WWP2: variants seen among roughly 807,000 people sequenced by gnomAD.
WWP2 encodes the protein NEDD4-like E3 ubiquitin-protein ligase WWP2.
WWP2 carries 57 observed loss-of-function variants against 121.0 expected under a neutral mutation model. That is an observed-to-expected ratio of 0.47 (90% CI 0.38 to 0.59). The LOEUF is 0.59. Ranked by LOEUF, WWP2 falls within the 20% of genes least tolerant of loss-of-function variation. The pLI, the probability that WWP2 is intolerant of heterozygous loss-of-function variation, is 0.00. For synonymous variants in WWP2, 449 were observed against 441.3 expected, an observed-to-expected ratio of 1.02 and a Z score of -0.22; for missense variants, 962 against 1,158.9, an observed-to-expected ratio of 0.83 and a Z score of 2.47.
chr16:69,883,686 C>T (rs1449788109), intron 7 of WWP2, among the ~76,000 whole-genome samples: 1 of 152,130 alleles, frequency 6.6e-6, no homozygotes, highest in Admixed American at 6.6e-5. Flanking sequence ...GTATTAAGCC[C>T]AGCATCGGTT....
chr16:69,927,546 C>A (rs1398734415), intron 11 of WWP2, among the ~76,000 whole-genome samples: 1 of 152,264 alleles, frequency 6.6e-6, no homozygotes, highest in African/African-American at 2.4e-5. Flanking sequence ...GGCAGCCAGC[C>A]GGCCTTGGGA....
At chr16:69,855,093 A>C (rs1326453774) in intron 6 of WWP2, among the ~76,000 whole-genome samples, 1 of 151,532 alleles carries the variant, frequency 6.6e-6, no homozygotes, top group Non-Finnish European at 1.5e-5. Flanking sequence ...GCGATCCACC[A>C]GCCTTGGCCT....
At chr16:69,889,156 C>T (rs968522053) in intron 8 of WWP2, among the ~76,000 whole-genome samples, 6 of 152,022 alleles carry the variant, frequency 3.9e-5, no homozygotes, top group Non-Finnish European at 1.5e-5. Flanking sequence ...TACACACACA[C>T]ACACACACAC....
At chr16:69,769,505 G>T (rs889700952) in intron 1 of WWP2, among the ~76,000 whole-genome samples, 4 of 151,964 alleles carry the variant, frequency 2.6e-5, no homozygotes, top group Non-Finnish European at 5.9e-5. Context: ...GCTTTTCCCT[G>T]GCTCCTTCTA....
intron 7 of WWP2, among the ~76,000 whole-genome samples, chr16:69,881,635 A>G (rs1196946756): frequency 1.3e-5 from 2 of 152,220 alleles, no homozygotes; most frequent in Non-Finnish European, 2.9e-5. Context: ...GATTTTCTGA[A>G]AGTAATATCC....
chr16:69,768,205 T>C (rs768202289), intron 1 of WWP2, among the ~76,000 whole-genome samples: 5 of 152,198 alleles, frequency 3.3e-5, no homozygotes, highest in Non-Finnish European at 7.3e-5. Flanking sequence ...TGGGACAGGT[T>C]AGATTCTAAC....
intron 4 of WWP2, among the ~76,000 whole-genome samples, chr16:69,812,557 C>T (rs1207766144): frequency 6.7e-6 from 1 of 149,770 alleles, no homozygotes; most frequent in Non-Finnish European, 1.5e-5. Context: ...CGGCTCACTG[C>T]AGCCTCTATC....
At chr16:69,886,558 G>A (rs1301950557) in intron 7 of WWP2, among the ~76,000 whole-genome samples, 1 of 152,038 alleles carries the variant, frequency 6.6e-6, no homozygotes, top group African/African-American at 2.4e-5. Context: ...CCAGGAGTTC[G>A]AGACCAACCT....
intron 4 of WWP2, among the ~76,000 whole-genome samples, chr16:69,830,641 C>G (rs770548975): frequency 6.6e-6 from 1 of 152,026 alleles, no homozygotes; most frequent in South Asian, 2.1e-4. Flanking sequence ...TGGGGGGCCG[C>G]GGGGAGGTGG....
At chr16:69,793,054 C>T (rs2055946420) in intron 2 of WWP2, among the ~76,000 whole-genome samples, 1 of 152,082 alleles carries the variant, frequency 6.6e-6, no homozygotes, top group Non-Finnish European at 1.5e-5. Context: ...TTGCCCACTG[C>T]ACAGATAAAA....
In WWP2 at chr16:69,842,128, C is replaced by G. The variant is rs755945837; in HGVS notation, c.575+8C>G. 4.7e-5 allele frequency: 75 copies of G among 1,610,922 alleles called. 3 individuals carry two copies. The highest frequency in any genetic ancestry group is 1.3e-4 in the East Asian group (6 of 44,842). On this transcript the variant is annotated splice_region_variant and intron_variant, in intron 6 of 23. Transcript: ENST00000359154. ...CTTTGGTGGAAGATCCCGGTAAGAC[C>G]CCCCTTGGTGAGGACAAAGAGCTAA...
intron 1 of WWP2, among the ~76,000 whole-genome samples, chr16:69,781,598 C>T (rs981952155): frequency 9.9e-5 from 15 of 152,072 alleles, no homozygotes; most frequent in Non-Finnish European, 2.2e-4. Flanking sequence ...GATCCGCCCG[C>T]CTCAGCCTCC....
intron 4 of WWP2, among the ~76,000 whole-genome samples, chr16:69,813,065 T>A (rs2056424449): frequency 6.6e-6 from 1 of 152,216 alleles, no homozygotes; most frequent in Non-Finnish European, 1.5e-5. Context: ...AGAAGGGCTT[T>A]CCGTTTTCAT....
intron 1 of WWP2, among the ~76,000 whole-genome samples, chr16:69,782,255 C>G (rs2055679170): frequency 6.6e-6 from 1 of 152,136 alleles, no homozygotes; most frequent in Admixed American, 6.5e-5. Context: ...TGCACTCCAG[C>G]CCGGGTGACA....
chr16:69,891,711 T>G (rs2058031715), intron 8 of WWP2, among the ~76,000 whole-genome samples: 1 of 152,176 alleles, frequency 6.6e-6, no homozygotes, highest in South Asian at 2.1e-4. Flanking sequence ...TAAGTCCATA[T>G]CTGCCTCTTG....
chr16:69,786,945 C>G (rs79025825), intron 1 of WWP2, 51 bp from the exon 2 acceptor site: 2 of 1,489,874 alleles, frequency 1.3e-6, no homozygotes, highest in Non-Finnish European at 1.8e-6. Context: ...TTAAACTCCT[C>G]TGTCTTCTTA....
chr16:69,767,313 C>T (rs1567651828), intron 1 of WWP2, among the ~76,000 whole-genome samples: 2 of 152,098 alleles, frequency 1.3e-5, no homozygotes, highest in Admixed American at 6.6e-5. Flanking sequence ...TACATTTAAC[C>T]TTGTTGAGGT....
intron 6 of WWP2, among the ~76,000 whole-genome samples, chr16:69,850,731 A>G (rs1597053027): frequency 6.6e-6 from 1 of 152,150 alleles, no homozygotes; most frequent in African/African-American, 2.4e-5. Context: ...TTGACATGTA[A>G]GATATTAGGG....
intron 21 of WWP2, among the ~76,000 whole-genome samples, chr16:69,938,072 C>CA (rs999961922): frequency 3.1e-4 from 47 of 149,974 alleles, no homozygotes; most frequent in South Asian, 6.3e-4. Context: ...ATACAGCATA[C>CA]AAAAAAAAAT....
Sources: gnomAD v4.1 joint callset for allele counts (sites outside exome capture counted in the v4.1 genomes callset) on GRCh38, gnomAD v4.1.1 for gene constraint, MANE v1.5 for transcripts, NCBI Gene and HGNC (gene_info 2026-07-23, HGNC 2026-07-21) for gene names.